The following CYB5R3 variants were observed in gnomAD, a reference collection of about 807,000 sequenced individuals.
The protein encoded by CYB5R3 is cytochrome b5 reductase 3.
A neutral mutation model predicts 36.5 loss-of-function variants in CYB5R3; 28 were observed. The ratio of observed to expected loss-of-function variants is 0.77; its 90% confidence interval spans 0.57 to 1.05. CYB5R3 has a LOEUF of 1.05. Among genes scored for constraint, CYB5R3 ranks in the 50% least tolerant of loss-of-function variants. The pLI is 0.00. For synonymous variants in CYB5R3, 181 were observed against 159.8 expected (o/e 1.13, Z -1.00); for missense variants, 474 against 408.9 (o/e 1.16, Z -1.37).
chr22:42,633,196 T>A (rs933850839), intron 2 of CYB5R3: 3 of 152,302 alleles, frequency 2.0e-5, no homozygotes, highest in Non-Finnish European at 4.4e-5. Context: ...CTAGGACATC[T>A]GCCACATGCT....
rs200581263 is a variant in CYB5R3 at position 42,627,362 on chromosome 22, C to A, written c.575G>T (p.Arg192Leu). The A allele has an allele frequency of 6.2e-7, 1 of 1,613,888 alleles. No individual in the cohort carries two copies. Among genetic ancestry groups the A allele is most frequent in the Non-Finnish European group, 8.5e-7 (1 of 1,179,976 alleles). Residue 192 changes from arginine to leucine, a missense_variant, in exon 7 of 9, where the codon CGC (arginine) becomes CTC (leucine). Arg to Leu is a moderately radical substitution (Grantham distance 102). Coordinates refer to ENST00000352397, the MANE Select transcript of CYB5R3 (RefSeq NM_000398.7). ...GTCATCAGGGTCCTTCATGATGGCG[C>A]GGATCACCTGCAGCATCGGGGTGAT... ...TGITPMLQVI[R>L]AIMKDPDDHT... is the part of the protein sequence containing the mutation.
chr22:42,643,584 T>C (rs914447266), intron 1 of CYB5R3, among the ~76,000 whole-genome samples: 27 of 151,950 alleles, frequency 1.8e-4, no homozygotes, highest in African/African-American at 6.3e-4. Flanking sequence ...CCTCGCTCCA[T>C]GGGGCCCTTG....
chr22:42,643,838 C>A (rs968201814), intron 1 of CYB5R3, among the ~76,000 whole-genome samples: 1 of 152,130 alleles, frequency 6.6e-6, no homozygotes, highest in African/African-American at 2.4e-5. Context: ...CGGGCCCTAC[C>A]TGGAGGATGG....
At chr22:42,638,661 G>A (rs5996201) in intron 1 of CYB5R3, among the ~76,000 whole-genome samples, 1,811 of 142,154 alleles carry the variant, frequency 0.013, 46 homozygotes, top group African/African-American at 0.046. Context: ...GGTTGCCTGT[G>A]GAGGAGGTTG....
chr22:42,640,131 T>G, intron 1 of CYB5R3: 1 of 1,613,736 alleles, frequency 6.2e-7, no homozygotes, highest in Non-Finnish European at 8.5e-7. Context: ...TCTGAATAGC[T>G]CTAGGGATCT....
At chr22:42,644,455 C>T (rs1929441036) in intron 1 of CYB5R3, 1 of 832,338 alleles carries the variant, frequency 1.2e-6, no homozygotes, top group Non-Finnish European at 2.0e-6. Context: ...ATGCTCTCCT[C>T]TCTGCCCCAA....
rs1927791161 is a variant in CYB5R3, at chr22:42,618,940, A to C, written c.*833T>G. On this transcript the variant is annotated 3_prime_UTR_variant, in exon 9 of 9. Transcript: ENST00000352397. ...GAGGTCACTGATATGTCCCTCAGAC[A>C]AGAGGCACTGCTCAGAATCCCCCTG... 6.6e-6 allele frequency: 1 copy of C among 152,334 alleles called. No homozygotes were observed. Among genetic ancestry groups the C allele is most frequent in the Non-Finnish European group, 1.5e-5 (1 of 68,116 alleles). 9.4% of individuals were successfully genotyped at this position (152,334 alleles called of 1,614,324 possible).
intron 1 of CYB5R3, among the ~76,000 whole-genome samples, chr22:42,642,116 C>CTT: frequency 6.8e-6 from 1 of 147,114 alleles, no homozygotes; most frequent in Middle Eastern, 3.6e-3. Context: ...CATAAGAGCT[C>CTT]TTTTTTTTTT....
In CYB5R3 at chr22:42,628,292, C is replaced by T. The variant is rs374136865; in HGVS notation, c.334-11G>A. ...GTCCTTGAAGTAAACCTGCAAGACA[C>T]CCCCGCAGCCCTCAGTCCCCAGCTC... On this transcript the variant is annotated splice_polypyrimidine_tract_variant and intron_variant, in intron 4 of 8. Coordinates refer to ENST00000352397, the MANE Select transcript of CYB5R3 (RefSeq NM_000398.7). 25 of 1,612,976 alleles carry T rather than the reference C, an allele frequency of 1.5e-5. No homozygotes were observed. The highest frequency in any genetic ancestry group is 2.2e-5 in the East Asian group (1 of 44,860).
At chr22:42,638,983 G>A (rs1271738388) in intron 1 of CYB5R3, 5 of 395,572 alleles carry the variant, frequency 1.3e-5, no homozygotes, top group South Asian at 3.7e-5. Flanking sequence ...GCAGTGAGCC[G>A]AGATCGTGCC....
chr22:42,621,968 G>A (rs1208102579), intron 8 of CYB5R3, among the ~76,000 whole-genome samples: 1 of 152,386 alleles, frequency 6.6e-6, no homozygotes, highest in East Asian at 1.9e-4. Context: ...TCTATCGCCA[G>A]GCTGGAGTGC....
intron 1 of CYB5R3, among the ~76,000 whole-genome samples, chr22:42,639,449 A>G (rs1929113159): frequency 6.6e-6 from 1 of 151,986 alleles, no homozygotes; most frequent in East Asian, 1.9e-4. Flanking sequence ...ACAACATGGA[A>G]AAACCGCGTC....
chr22:42,630,112 A>G (rs1928528847), intron 4 of CYB5R3, among the ~76,000 whole-genome samples: 3 of 152,036 alleles, frequency 2.0e-5, no homozygotes, highest in African/African-American at 7.3e-5. Context: ...TTGTATTTCT[A>G]ATTTTCATAA....
In CYB5R3 at chr22:42,630,917, C is replaced by T. The variant is rs536045979; in HGVS notation, c.298G>A (p.Asp100Asn). The T allele has an allele frequency of 5.5e-5, 89 of 1,613,990 alleles. No homozygotes were observed. The South Asian group carries it at 7.1e-4, about 13-fold the overall frequency. The change falls in exon 4 of 9, where the codon GAT (aspartate) becomes AAT (asparagine). Residue 100 changes from aspartate to asparagine, a missense_variant. By Grantham distance (23) the Asp-to-Asn change is conservative. Coordinates refer to ENST00000352397, the MANE Select transcript of CYB5R3 (RefSeq NM_000398.7). ...AGGTCCACGAAGCCCTTGTCATCAT[C>T]GCTGGAGATGGGTGTATAGGGCCGG... ...VVRPYTPISSDDDKGFVDLVI... is the reference protein window; with the variant it reads ...VVRPYTPISSNDDKGFVDLVI...
At position 42,628,173 on chromosome 22, in the gene CYB5R3, G is replaced by A; in HGVS notation, c.442C>T (p.Leu148=). 2 of 1,614,092 alleles carry A rather than the reference G, an allele frequency of 1.2e-6. No individual in the cohort carries two copies. Among genetic ancestry groups the A allele is most frequent in the Admixed American group, 1.7e-5 (1 of 60,014 alleles). Residue 148 remains leucine (L), a synonymous_variant, in exon 5 of 9, where the codon CTG becomes TTG. Coordinates refer to ENST00000352397, the MANE Select transcript of CYB5R3 (RefSeq NM_000398.7). ...DTIEFRGPSG[L]LVYQGKGKFA... is the part of the protein sequence containing the mutation. ...TCACCTTTGCCCTGGTAGACCAGCAGCCCACTGGGGCCCCGGAACTCAATG... is the reference window on the plus strand; with the variant it reads ...TCACCTTTGCCCTGGTAGACCAGCAACCCACTGGGGCCCCGGAACTCAATG...
chr22:42,638,749 A>AAAAAAAAAAAAAAAAAAAAAC, intron 1 of CYB5R3, among the ~76,000 whole-genome samples: 2 of 124,392 alleles, frequency 1.6e-5, no homozygotes, highest in East Asian at 2.9e-4. Flanking sequence ...AAAAAAAAAA[A>AAAAAAAAAAAAAAAAAAAAAC]AGGCCGGGCG....
At chr22:42,649,183 G>A in intron 1 of CYB5R3, 112 bp downstream of exon 1, 1 of 378,884 alleles carries the variant, frequency 2.6e-6, no homozygotes. Flanking sequence ...AGTGGGTGCG[G>A]CCGGGTGCGG....
At chr22:42,649,104 T>G (rs994392019) in intron 1 of CYB5R3, among the ~76,000 whole-genome samples, 191 bp downstream of exon 1, 1 of 152,072 alleles carries the variant, frequency 6.6e-6, no homozygotes, top group African/African-American at 2.4e-5. Flanking sequence ...AGGGCGTAAG[T>G]AGCGGTCACC....
rs112669378 is a variant in CYB5R3, at chr22:42,628,183, G to A, written c.432C>T (p.Gly144=). The change falls in exon 5 of 9, where the codon GGC becomes GGT. Residue 144 remains glycine, a synonymous_variant. Transcript: ENST00000352397. ...MQIGDTIEFR[G]PSGLLVYQGK... Reference sequence around the variant, plus strand: ...CCTGGTAGACCAGCAGCCCACTGGGGCCCCGGAACTCAATGGTGTCTCCAA... The same window carrying A: ...CCTGGTAGACCAGCAGCCCACTGGGACCCCGGAACTCAATGGTGTCTCCAA... 6,721 of 1,614,086 alleles carry A rather than the reference G, an allele frequency of 4.2e-3. 16 individuals carry two copies. Among genetic ancestry groups the A allele is most frequent in the Middle Eastern group, 6.6e-3 (40 of 6,062 alleles).
Sources: allele counts gnomAD v4.1 joint callset (sites outside exome capture counted in the v4.1 genomes callset), GRCh38; gene constraint gnomAD v4.1.1; transcripts MANE v1.5; gene names NCBI Gene and HGNC (gene_info 2026-07-23, HGNC 2026-07-21).